Variants in PRR16 observed in about 807,000 individuals in gnomAD.
PRR16 encodes protein Largen.
Under a neutral mutation model 18.2 loss-of-function variants are expected in PRR16, and 6 were observed. The observed-to-expected ratio is 0.33, with a 90% CI of 0.18 to 0.65. The LOEUF (loss-of-function observed/expected upper bound fraction) is 0.65. PRR16 is among the 30% of genes least tolerant of loss of function. The pLI, the probability that PRR16 is intolerant of heterozygous loss-of-function variation, is 0.74. For synonymous variants in PRR16, 151 were observed against 147.8 expected, an observed-to-expected ratio of 1.02 and a Z score of -0.16; for missense variants, 412 against 376.6, an observed-to-expected ratio of 1.09 and a Z score of -0.78.
chr5:120,563,768 A>G (rs370035411), intron 1 of PRR16, among the ~76,000 whole-genome samples: 65 of 151,724 alleles, frequency 4.3e-4, no homozygotes, highest in African/African-American at 1.4e-3. Context: ...TTATCTGTCT[A>G]TCTGGTGTAA....
chr5:120,765,897 G>C, the PRR16 span, among the ~76,000 whole-genome samples: 2 of 151,944 alleles, frequency 1.3e-5, no homozygotes, highest in African/African-American at 4.8e-5. Flanking sequence ...GAGTGATCCT[G>C]TGTTTACAAT....
At chr5:120,610,925 G>A (rs1457321044) in intron 1 of PRR16, among the ~76,000 whole-genome samples, 1 of 152,208 alleles carries the variant, frequency 6.6e-6, no homozygotes, top group African/African-American at 2.4e-5. Flanking sequence ...ATGTGGGAAA[G>A]TTTGGAACTT....
intron 1 of PRR16, among the ~76,000 whole-genome samples, chr5:120,637,464 A>G (rs1173406320): frequency 8.5e-5 from 13 of 152,056 alleles, no homozygotes; most frequent in Non-Finnish European, 1.5e-5. Flanking sequence ...ATGGAATACT[A>G]CTCAGCCATA....
At chr5:120,680,527 G>T (rs1274030266) in intron 1 of PRR16, among the ~76,000 whole-genome samples, 1 of 152,082 alleles carries the variant, frequency 6.6e-6, no homozygotes, top group African/African-American at 2.4e-5. Context: ...TTCCAACCCT[G>T]TGAACATCTA....
At chr5:120,620,276 A>T (rs942925341) in intron 1 of PRR16, among the ~76,000 whole-genome samples, 2 of 152,170 alleles carry the variant, frequency 1.3e-5, no homozygotes, top group Admixed American at 6.6e-5. Flanking sequence ...GCAAAGAATT[A>T]TGGAGCATTG....
chr5:120,748,625 G>A, the PRR16 span, among the ~76,000 whole-genome samples: 5 of 152,124 alleles, frequency 3.3e-5, no homozygotes, highest in Admixed American at 6.6e-5. Flanking sequence ...ATCCAAGGTT[G>A]AAATCTGGGA....
At chr5:120,732,961 G>A in the PRR16 span, among the ~76,000 whole-genome samples, 3 of 152,168 alleles carry the variant, frequency 2.0e-5, no homozygotes, top group South Asian at 4.1e-4. Flanking sequence ...ATGCGTGAAA[G>A]GGTAAAGCTA....
downstream of PRR16, among the ~76,000 whole-genome samples, chr5:120,691,656 C>T (rs184865738): frequency 5.3e-4 from 80 of 152,238 alleles, no homozygotes; most frequent in African/African-American, 1.7e-3. Context: ...CTAAAGCGTG[C>T]TTACAACTCT....
intron 1 of PRR16, among the ~76,000 whole-genome samples, chr5:120,679,455 A>G (rs2150152867): frequency 6.6e-6 from 1 of 152,276 alleles, no homozygotes; most frequent in African/African-American, 2.4e-5. Context: ...AAATACCTTA[A>G]GCAAAACAGA....
the PRR16 span, among the ~76,000 whole-genome samples, chr5:120,742,752 G>T: frequency 6.6e-6 from 1 of 152,098 alleles, no homozygotes; most frequent in Non-Finnish European, 1.5e-5. Flanking sequence ...TTTGTTAAAA[G>T]CTCTGGACCC....
At chr5:120,714,965 A>C in the PRR16 span, among the ~76,000 whole-genome samples, 198 of 152,242 alleles carry the variant, frequency 1.3e-3, 1 homozygote, top group African/African-American at 3.9e-3. Context: ...AGGGAGGAGA[A>C]CAACACACAC....
At chr5:120,678,565 A>G (rs896177500) in intron 1 of PRR16, among the ~76,000 whole-genome samples, 1 of 152,304 alleles carries the variant, frequency 6.6e-6, no homozygotes, top group East Asian at 1.9e-4. Context: ...GTCCCAATAC[A>G]TTAAGGCAAT....
At chr5:120,573,841 A>T (rs142667457) in intron 1 of PRR16, among the ~76,000 whole-genome samples, 541 of 152,146 alleles carry the variant, frequency 3.6e-3, no homozygotes, top group African/African-American at 0.012. Context: ...ATACTATCAC[A>T]AACATAGTAT....
At chr5:120,673,495 A>G (rs548477652) in intron 1 of PRR16, among the ~76,000 whole-genome samples, 48 of 152,368 alleles carry the variant, frequency 3.2e-4, no homozygotes, top group Middle Eastern at 3.4e-3. Flanking sequence ...TTCGATTAAC[A>G]TAAACTCCTG....
rs146385226 is a variant in PRR16 at position 120,498,500 on chromosome 5, C to G, written c.159+33855C>G. The stretch of plus-strand genomic sequence containing the variant: ...TATATTTGCCTTAACTATTTCTCTA[C>G]ATATATGTAGAAGCGCATCAGACAG... On this transcript the variant is annotated intron_variant, in intron 1 of 1. Coordinates refer to ENST00000407149, the MANE Select transcript of PRR16 (RefSeq NM_001300783.2). Among the ~76,000 whole-genome samples the G allele has an allele frequency of 2.0e-5, 3 of 151,710 alleles. No homozygotes were observed. The East Asian group carries it at 5.8e-4, about 29-fold the overall frequency.
chr5:120,666,603 G>C (rs1756385930), intron 1 of PRR16, among the ~76,000 whole-genome samples: 1 of 152,034 alleles, frequency 6.6e-6, no homozygotes, highest in Non-Finnish European at 1.5e-5. Context: ...GTTTGTCATA[G>C]GTAGCTCTTA....
chr5:120,792,771 T>C, the PRR16 span, among the ~76,000 whole-genome samples: 2 of 152,206 alleles, frequency 1.3e-5, no homozygotes, highest in African/African-American at 2.4e-5. Flanking sequence ...ACTATTTTAA[T>C]AGAGTCTAAA....
intron 1 of PRR16, among the ~76,000 whole-genome samples, chr5:120,648,022 T>C (rs1483910312): frequency 1.3e-5 from 2 of 152,006 alleles, no homozygotes; most frequent in East Asian, 1.9e-4. Context: ...AATTAGAAGA[T>C]TAAGGAAAAT....
chr5:120,634,397 A>G (rs765903037), intron 1 of PRR16, among the ~76,000 whole-genome samples: 21 of 152,214 alleles, frequency 1.4e-4, no homozygotes, highest in Non-Finnish European at 2.2e-4. Context: ...TAATCCCAGC[A>G]CTTTGGGAGG....
Sources: allele counts gnomAD v4.1 joint callset (sites outside exome capture counted in the v4.1 genomes callset), GRCh38; gene constraint gnomAD v4.1.1; transcripts MANE v1.5; gene names NCBI Gene and HGNC (gene_info 2026-07-23, HGNC 2026-07-21).